HSD17B4: variants seen among roughly 807,000 people sequenced by gnomAD.
HSD17B4 encodes hydroxysteroid 17-beta dehydrogenase 4, also known as peroxisomal multifunctional enzyme type 2.
HSD17B4 carries 70 observed loss-of-function variants against 101.0 expected under a neutral mutation model. The observed-to-expected ratio is 0.69, with a 90% CI of 0.57 to 0.85. HSD17B4 has a LOEUF of 0.85. Ranked by LOEUF, HSD17B4 falls within the 40% of genes least tolerant of loss-of-function variation. The pLI, the probability that HSD17B4 is intolerant of heterozygous loss-of-function variation, is 0.00. For missense variants in HSD17B4, 984 were observed against 892.4 expected, an observed-to-expected ratio of 1.10 and a Z score of -1.31; for synonymous variants, 347 against 297.1, an observed-to-expected ratio of 1.17 and a Z score of -1.73.
chr5:119,528,547 A>G (rs1753796522), intron 20 of HSD17B4, among the ~76,000 whole-genome samples: 1 of 152,166 alleles, frequency 6.6e-6, no homozygotes, highest in Non-Finnish European at 1.5e-5. Context: ...CTTTGCAGCT[A>G]ATATCTGTGC....
At chr5:119,474,343 T>C (rs191570006) in intron 3 of HSD17B4, 58 bp from the exon 4 acceptor site, 1 of 1,026,796 alleles carries the variant, frequency 9.7e-7, no homozygotes, top group South Asian at 1.3e-5. Context: ...CCACAGAATT[T>C]AGAAGTCCTT....
chr5:119,456,201 C>G, intron 1 of HSD17B4, 114 bp from the exon 2 acceptor site: 1 of 749,228 alleles, frequency 1.3e-6, no homozygotes, highest in South Asian at 1.4e-5. Context: ...TTGAGAGTAT[C>G]ATTAAAATGT....
intron 12 of HSD17B4, 77 bp from the exon 13 acceptor site, chr5:119,499,240 C>A: frequency 1.0e-6 from 1 of 961,170 alleles, no homozygotes; most frequent in Non-Finnish European, 1.7e-6. Context: ...TATTCAAAAA[C>A]AAAACTAGGT....
chr5:119,505,243 C>T (rs73249968), intron 14 of HSD17B4, among the ~76,000 whole-genome samples: 190 of 151,786 alleles, frequency 1.3e-3, no homozygotes, highest in African/African-American at 4.4e-3. Flanking sequence ...TTTCTGGTAC[C>T]ATATGAGTTT....
At chr5:119,510,798 C>T (rs149529915) in intron 16 of HSD17B4, among the ~76,000 whole-genome samples, 1 of 152,178 alleles carries the variant, frequency 6.6e-6, no homozygotes, top group Non-Finnish European at 1.5e-5. Flanking sequence ...GCGTTTGCAG[C>T]CAAGAACGTA....
chr5:119,456,064 C>A (rs1444042991), intron 1 of HSD17B4, among the ~76,000 whole-genome samples: 1 of 152,152 alleles, frequency 6.6e-6, no homozygotes, highest in Non-Finnish European at 1.5e-5. Context: ...CAATTCACAG[C>A]ATCCTAGCAG....
chr5:119,452,661 C>A (rs371828386), intron 1 of HSD17B4, 28 bp downstream of exon 1: 1 of 1,613,356 alleles, frequency 6.2e-7, no homozygotes, highest in African/African-American at 1.3e-5. Flanking sequence ...GGAGGCCGCG[C>A]CCCTTGCTGA....
At chr5:119,462,712 T>G (rs761011698) in intron 2 of HSD17B4, among the ~76,000 whole-genome samples, 4 of 152,178 alleles carry the variant, frequency 2.6e-5, no homozygotes, top group Non-Finnish European at 5.9e-5. Context: ...CCAATGATTT[T>G]CTTTTCTTAT....
intron 12 of HSD17B4, among the ~76,000 whole-genome samples, chr5:119,497,496 G>C (rs1750753769): frequency 6.6e-6 from 1 of 152,090 alleles, no homozygotes; most frequent in Non-Finnish European, 1.5e-5. Flanking sequence ...AAGTAGATTT[G>C]AGTTGTGTGG....
intron 6 of HSD17B4, chr5:119,476,851 GT>G: frequency 7.6e-6 from 2 of 263,642 alleles, no homozygotes; most frequent in Non-Finnish European, 1.2e-5. Context: ...GAAAACATTT[GT>G]TTTACCAAAA....
intron 17 of HSD17B4, among the ~76,000 whole-genome samples, chr5:119,520,721 A>G (rs1325846485): frequency 1.3e-5 from 2 of 152,070 alleles, no homozygotes; most frequent in African/African-American, 4.8e-5. Flanking sequence ...TGTTTATGGT[A>G]GAAGAATAAG....
intron 9 of HSD17B4, 94 bp from the exon 10 acceptor site, chr5:119,492,006 C>T: frequency 2.2e-6 from 2 of 916,604 alleles, no homozygotes; most frequent in South Asian, 2.6e-5. Flanking sequence ...AATTCTAATA[C>T]TGCTAGTAGA....
At chr5:119,529,868 T>C (rs767159139) in intron 20 of HSD17B4, 26 bp from the exon 21 acceptor site, 8 of 1,300,566 alleles carry the variant, frequency 6.2e-6, no homozygotes, top group African/African-American at 1.5e-5. Flanking sequence ...TCAGAATAAA[T>C]CTTTTTTTTT....
chr5:119,477,530 A>G (rs769726661), intron 7 of HSD17B4, 29 bp downstream of exon 7: 3 of 1,476,276 alleles, frequency 2.0e-6, no homozygotes, highest in Non-Finnish European at 9.5e-7. Flanking sequence ...GTCAAGGGGG[A>G]TTTAAGATGT....
intron 4 of HSD17B4, among the ~76,000 whole-genome samples, chr5:119,475,029 A>G (rs1748441442): frequency 6.6e-6 from 1 of 152,154 alleles, no homozygotes; most frequent in Non-Finnish European, 1.5e-5. Context: ...CAACATGTTT[A>G]CAATCTGAAA....
At chr5:119,531,123 A>G in intron 21 of HSD17B4, 143 bp from the exon 22 acceptor site, 1 of 734,922 alleles carries the variant, frequency 1.4e-6, no homozygotes, top group Non-Finnish European at 2.4e-6. Context: ...CAAATAAGAA[A>G]GTATGAAAGA....
chr5:119,534,770 G>A (rs1348639691), intron 22 of HSD17B4, among the ~76,000 whole-genome samples: 1 of 152,062 alleles, frequency 6.6e-6, no homozygotes, highest in Non-Finnish European at 1.5e-5. Context: ...CTGTTTGTTG[G>A]AGGTGTATCT....
At chr5:119,496,814 A>C (rs907070108) in intron 12 of HSD17B4, among the ~76,000 whole-genome samples, 168 bp downstream of exon 12, 4 of 152,182 alleles carry the variant, frequency 2.6e-5, no homozygotes, top group Admixed American at 6.5e-5. Flanking sequence ...AATTTAAAAT[A>C]GAGGATTTAT....
chr5:119,540,313 A>G (rs1313686115), intron 23 of HSD17B4, among the ~76,000 whole-genome samples: 1 of 151,696 alleles, frequency 6.6e-6, no homozygotes, highest in Non-Finnish European at 1.5e-5. Context: ...TGTCCCTGAG[A>G]GAGTTTGCTG....
Sources: gnomAD v4.1 joint callset for allele counts (sites outside exome capture counted in the v4.1 genomes callset) on GRCh38, gnomAD v4.1.1 for gene constraint, MANE v1.5 for transcripts, NCBI Gene and HGNC (gene_info 2026-07-23, HGNC 2026-07-21) for gene names.